The following CCSER2 variants were observed in gnomAD, a reference collection of about 807,000 sequenced individuals.
CCSER2 encodes serine-rich coiled-coil domain-containing protein 2.
A neutral mutation model predicts 92.3 loss-of-function variants in CCSER2; 46 were observed. The ratio of observed to expected loss-of-function variants is 0.50; its 90% CI spans 0.39 to 0.64. The LOEUF (loss-of-function observed/expected upper bound fraction) is 0.64. Among genes scored for constraint, CCSER2 ranks in the 30% least tolerant of loss-of-function variants. The pLI is 0.00. For synonymous variants in CCSER2, 433 were observed against 431.4 expected, an observed-to-expected ratio of 1.00 and a Z score of -0.04; for missense variants, 1,244 against 1,238.9, an observed-to-expected ratio of 1.00 and a Z score of -0.06.
intron 8 of CCSER2, among the ~76,000 whole-genome samples, chr10:84,476,827 AGT>A (rs1011578133): frequency 6.6e-6 from 1 of 152,112 alleles, no homozygotes; most frequent in African/African-American, 2.4e-5. Flanking sequence ...TATATAAATG[AGT>A]GTGCTTTGAG....
chr10:84,483,200 C>T (rs1418120942), intron 9 of CCSER2, among the ~76,000 whole-genome samples: 1 of 152,014 alleles, frequency 6.6e-6, no homozygotes, highest in Non-Finnish European at 1.5e-5. Flanking sequence ...TGAGACCAGC[C>T]TGACCAACAT....
intron 6 of CCSER2, among the ~76,000 whole-genome samples, chr10:84,457,411 A>T (rs1355251792): frequency 1.6e-5 from 1 of 64,296 alleles, no homozygotes; most frequent in African/African-American, 6.1e-5. Context: ...ATATATTTTA[A>T]AAAATATATT....
chr10:84,351,647 G>A (rs965491985), intron 1 of CCSER2, among the ~76,000 whole-genome samples: 2 of 152,140 alleles, frequency 1.3e-5, no homozygotes, highest in African/African-American at 2.4e-5. Flanking sequence ...TTGGACTGTA[G>A]GCATGAGCCA....
chr10:84,389,275 A>G, intron 3 of CCSER2: 2 of 511,244 alleles, frequency 3.9e-6, no homozygotes, highest in Non-Finnish European at 7.8e-6. Context: ...GGATCTCTTT[A>G]ATCGTTCCAG....
At chr10:84,416,840 A>G (rs1336227692) in intron 3 of CCSER2, among the ~76,000 whole-genome samples, 2 of 152,154 alleles carry the variant, frequency 1.3e-5, no homozygotes, top group Non-Finnish European at 2.9e-5. Flanking sequence ...CTGAGGCAGG[A>G]GAATGGCGTG....
chr10:84,347,521 C>T (rs1302301425), intron 1 of CCSER2, among the ~76,000 whole-genome samples: 6 of 151,348 alleles, frequency 4.0e-5, no homozygotes. Flanking sequence ...CCCCACCTCC[C>T]TCCCGGACGG....
intron 3 of CCSER2, among the ~76,000 whole-genome samples, chr10:84,387,763 C>T (rs1326151185): frequency 2.0e-5 from 3 of 152,106 alleles, no homozygotes; most frequent in Admixed American, 6.5e-5. Context: ...CTCCTGACTT[C>T]GTGATCCGCC....
intron 1 of CCSER2, among the ~76,000 whole-genome samples, chr10:84,367,095 AT>A (rs575850343): frequency 2.6e-5 from 4 of 151,644 alleles, no homozygotes; most frequent in Non-Finnish European, 4.4e-5. Context: ...TTTAAAGGTG[AT>A]TTTTTTTCTC....
At chr10:84,392,485 T>TA (rs1422272612) in intron 3 of CCSER2, among the ~76,000 whole-genome samples, 1 of 152,048 alleles carries the variant, frequency 6.6e-6, no homozygotes, top group Non-Finnish European at 1.5e-5. Context: ...GAATGGGAGT[T>TA]ACAAATAGTA....
At chr10:84,373,401 ATTTTC>A (rs780866872) in intron 2 of CCSER2, among the ~76,000 whole-genome samples, 3 of 151,984 alleles carry the variant, frequency 2.0e-5, no homozygotes, top group South Asian at 2.1e-4. Flanking sequence ...GACTAAATGA[ATTTTC>A]TTTTCCTCTA....
At chr10:84,339,865 G>C (rs1844075218) in intron 1 of CCSER2, among the ~76,000 whole-genome samples, 1 of 151,512 alleles carries the variant, frequency 6.6e-6, no homozygotes, top group African/African-American at 2.4e-5. Context: ...TTTTGAGACG[G>C]AGTTTCACTC....
chr10:84,468,703 C>T (rs1445076437), intron 7 of CCSER2, among the ~76,000 whole-genome samples: 3 of 151,612 alleles, frequency 2.0e-5, no homozygotes, highest in South Asian at 2.1e-4. Flanking sequence ...TTCCCGTTGT[C>T]CTCTTACAGG....
At chr10:84,354,932 C>T (rs1014531300) in intron 1 of CCSER2, among the ~76,000 whole-genome samples, 4 of 151,930 alleles carry the variant, frequency 2.6e-5, no homozygotes, top group Non-Finnish European at 4.4e-5. Context: ...TTATCTCCCA[C>T]ATCTAATCAA....
At chr10:84,478,298 A>T (rs1052598100) in intron 9 of CCSER2, among the ~76,000 whole-genome samples, 1 of 152,154 alleles carries the variant, frequency 6.6e-6, no homozygotes, top group African/African-American at 2.4e-5. Context: ...TTAGTGCAGG[A>T]TGTGTGTGAG....
intron 1 of CCSER2, among the ~76,000 whole-genome samples, chr10:84,332,436 A>ATATATATATATTTTT (rs1401635246): frequency 5.4e-5 from 3 of 55,206 alleles, no homozygotes; most frequent in African/African-American, 1.1e-4. Context: ...ATATATATAT[A>ATATATATATATTTTT]TTTTTTTTTT....
chr10:84,431,643 G>A (rs914873363), intron 5 of CCSER2, among the ~76,000 whole-genome samples: 10 of 152,110 alleles, frequency 6.6e-5, no homozygotes, highest in Non-Finnish European at 1.5e-4. Flanking sequence ...TTGGGAGGCT[G>A]AGGTGGGGGG....
intron 7 of CCSER2, among the ~76,000 whole-genome samples, chr10:84,468,824 C>T (rs577934379): frequency 6.6e-6 from 1 of 152,196 alleles, no homozygotes; most frequent in South Asian, 2.1e-4. Context: ...AATCAGAGTG[C>T]AGGTATTTTG....
At chr10:84,370,129 A>G (rs913197263) in intron 1 of CCSER2, among the ~76,000 whole-genome samples, 1 of 151,872 alleles carries the variant, frequency 6.6e-6, no homozygotes, top group Admixed American at 6.6e-5. Flanking sequence ...TTTTGGTTCC[A>G]TATGAATTTT....
At chr10:84,373,564 A>T in intron 2 of CCSER2, 55 bp from the exon 3 acceptor site, 1 of 1,344,514 alleles carries the variant, frequency 7.4e-7, no homozygotes, top group Non-Finnish European at 1.0e-6. Context: ...TTATATTTTT[A>T]GGACACGAGA....
Sources: allele counts gnomAD v4.1 joint callset (sites outside exome capture counted in the v4.1 genomes callset), GRCh38; gene constraint gnomAD v4.1.1; transcripts MANE v1.5; gene names NCBI Gene and HGNC (gene_info 2026-07-23, HGNC 2026-07-21).